Variants in CSMD1 observed in about 807,000 individuals in gnomAD.
CSMD1 encodes CUB and Sushi multiple domains 1, also known as CUB and sushi domain-containing protein 1.
In CSMD1, 213 loss-of-function variants were observed where a neutral mutation model predicts 417.5. The observed-to-expected ratio is 0.51, with a 90% CI of 0.46 to 0.57. The LOEUF (loss-of-function observed/expected upper bound fraction) is 0.57, where lower values mean the gene tolerates loss of function less well. Among genes scored for constraint, CSMD1 ranks in the 20% least tolerant of loss-of-function variants. CSMD1 has a pLI of 0.00. For synonymous variants in CSMD1, 2,862 were observed against 1,736.8 expected, an observed-to-expected ratio of 1.65 and a Z score of -16.11; for missense variants, 6,923 against 4,529.7, an observed-to-expected ratio of 1.53 and a Z score of -15.17.
intron 1 of CSMD1, among the ~76,000 whole-genome samples, chr8:4,710,806 C>T (rs1808244419): frequency 6.6e-6 from 1 of 151,792 alleles, no homozygotes; most frequent in Admixed American, 6.6e-5. Flanking sequence ...GATCGCACCA[C>T]TGCGCTCTAG....
chr8:3,431,440 A>T (rs554907728), intron 12 of CSMD1, among the ~76,000 whole-genome samples: 1 of 152,180 alleles, frequency 6.6e-6, no homozygotes, highest in African/African-American at 2.4e-5. Context: ...GGAAGTCAGC[A>T]TGTCACTTTC....
chr8:3,481,231 T>C (rs557380382), intron 11 of CSMD1, among the ~76,000 whole-genome samples: 176 of 150,980 alleles, frequency 1.2e-3, no homozygotes, highest in African/African-American at 3.4e-3. Flanking sequence ...AACATTCTTC[T>C]TGAAAAGAAA....
In CSMD1 at chr8:4,913,769, G is replaced by C. The variant is rs367613389; in HGVS notation, c.85+80563C>G. ...AGTTGTCCATGTGTTACCAGAATTA[G>C]GGAGTCACTGCCAAATTGCACGCCA... On this transcript the variant is annotated intron_variant, in intron 1 of 69. Coordinates refer to ENST00000635120, the MANE Select transcript of CSMD1 (RefSeq NM_033225.6). Among the ~76,000 whole-genome samples the C allele has an allele frequency of 1.5e-4, 23 of 152,256 alleles. No homozygotes were observed. The East Asian group carries it at 2.3e-3, about 15-fold the overall frequency.
chr8:3,051,295 A>G (rs138328355), intron 50 of CSMD1, among the ~76,000 whole-genome samples: 67 of 152,344 alleles, frequency 4.4e-4, no homozygotes, highest in African/African-American at 1.5e-3. Flanking sequence ...TGTCCTTTAC[A>G]ACATGGATGG....
At chr8:4,268,108 C>A (rs1009677264) in intron 3 of CSMD1, among the ~76,000 whole-genome samples, 25 of 152,176 alleles carry the variant, frequency 1.6e-4, no homozygotes, top group African/African-American at 5.8e-4. Context: ...AAAACCTAAT[C>A]CAAGAATATT....
At chr8:4,390,497 T>TTTTTTTATTTATTTATTTATTTA (rs58291340) in intron 3 of CSMD1, among the ~76,000 whole-genome samples, 25,409 of 140,084 alleles carry the variant, frequency 0.18, 2,674 homozygotes, top group Non-Finnish European at 0.21. Context: ...AAGCGTCCAT[T>TTTTTTTATTTATTTATTTATTTA]TTTATTTATT....
Position 3,742,156 on chromosome 8 carries a change from T to C in CSMD1, c.931+11774A>G, listed in dbSNP as rs1796839188. On this transcript the variant is annotated intron_variant, in intron 6 of 69. Coordinates refer to ENST00000635120, the MANE Select transcript of CSMD1 (RefSeq NM_033225.6). ...TATCCACCTAGTCACTTCTATCGCC[T>C]TTCTGTAAAGTGAGTCTTCTATAGC... 2.6e-5 allele frequency among the ~76,000 whole-genome samples: 4 copies of C among 152,286 alleles called. No homozygotes were observed. In the South Asian group the frequency reaches 6.2e-4, roughly 24 times the overall value.
chr8:4,590,140 C>G (rs17070697), intron 2 of CSMD1, among the ~76,000 whole-genome samples: 3 of 151,840 alleles, frequency 2.0e-5, no homozygotes, highest in Admixed American at 6.6e-5. Flanking sequence ...TTTGGTAAAG[C>G]AAGTGAATTT....
chr8:4,195,506 T>C (rs1265653505), intron 3 of CSMD1, among the ~76,000 whole-genome samples: 3 of 152,216 alleles, frequency 2.0e-5, no homozygotes, highest in Admixed American at 6.5e-5. Context: ...TTCACATCTC[T>C]GTATGATCCC....
chr8:3,497,401 CATTTATTT>C (rs56294605), intron 10 of CSMD1, among the ~76,000 whole-genome samples: 26,396 of 151,498 alleles, frequency 0.17, 2,387 homozygotes, highest in East Asian at 0.33. Context: ...TTTCACTTTC[CATTTATTT>C]ATTTATTTAT....
At chr8:3,460,703 T>C (rs765997533) in intron 12 of CSMD1, among the ~76,000 whole-genome samples, 44 of 152,168 alleles carry the variant, frequency 2.9e-4, no homozygotes, top group Admixed American at 1.4e-3. Context: ...AAACCACCAA[T>C]GTCGCTAAGA....
Position 3,824,336 on chromosome 8 carries a change from G to C in CSMD1, c.819-70294C>G, listed in dbSNP as rs57522517. Among the ~76,000 whole-genome samples the C allele has an allele frequency of 9.2e-3, 1,398 of 152,190 alleles. 33 individuals carry two copies. Among genetic ancestry groups the C allele is most frequent in the African/African-American group, 0.031 (1,272 of 41,508 alleles). On this transcript the variant is annotated intron_variant, in intron 5 of 69. Coordinates refer to ENST00000635120, the MANE Select transcript of CSMD1 (RefSeq NM_033225.6). ...GCCTAGGAATACTGAGAGGTTGCCAGATACTATGTGCAAAGTTTGTCAAAT... is the reference window on the plus strand; with the variant it reads ...GCCTAGGAATACTGAGAGGTTGCCACATACTATGTGCAAAGTTTGTCAAAT...
At chr8:3,797,710 A>G (rs1466568632) in intron 5 of CSMD1, among the ~76,000 whole-genome samples, 2 of 152,010 alleles carry the variant, frequency 1.3e-5, no homozygotes, top group African/African-American at 4.8e-5. Context: ...TAATACAAAC[A>G]AAGCTGCTAT....
intron 3 of CSMD1, among the ~76,000 whole-genome samples, chr8:4,172,633 T>A (rs1341466157): frequency 1.3e-5 from 2 of 152,192 alleles, no homozygotes; most frequent in African/African-American, 4.8e-5. Context: ...CTGGTATTTA[T>A]GAACTCCTGC....
intron 18 of CSMD1, among the ~76,000 whole-genome samples, chr8:3,378,689 A>T (rs1397080089): frequency 6.6e-6 from 1 of 152,158 alleles, no homozygotes; most frequent in Non-Finnish European, 1.5e-5. Context: ...CCTTCAATAA[A>T]CTTCAACACC....
intron 2 of CSMD1, among the ~76,000 whole-genome samples, chr8:4,488,739 TGG>T (rs1801544688): frequency 6.6e-6 from 1 of 151,914 alleles, no homozygotes; most frequent in Non-Finnish European, 1.5e-5. Context: ...CAGCACCAAA[TGG>T]GCCCTCAGAA....
chr8:3,020,563 G>A (rs1809280490), intron 51 of CSMD1, among the ~76,000 whole-genome samples: 1 of 152,068 alleles, frequency 6.6e-6, no homozygotes, highest in African/African-American at 2.4e-5. Flanking sequence ...TGTAGAGATG[G>A]GGGTCTCATT....
chr8:3,060,439 T>TTCGTC (rs1461517850), intron 49 of CSMD1, among the ~76,000 whole-genome samples: 1 of 152,186 alleles, frequency 6.6e-6, no homozygotes, highest in Non-Finnish European at 1.5e-5. Context: ...TCCACCCACC[T>TTCGTC]TCGTCTCACA....
chr8:3,162,361 G>A, intron 37 of CSMD1, 84 bp from the exon 38 acceptor site: 1 of 860,778 alleles, frequency 1.2e-6, no homozygotes, highest in Non-Finnish European at 1.9e-6. Context: ...TATTTCTATT[G>A]CTCTCCTTCT....
Sources: allele counts gnomAD v4.1 joint callset (sites outside exome capture counted in the v4.1 genomes callset), GRCh38; gene constraint gnomAD v4.1.1; transcripts MANE v1.5; gene names NCBI Gene and HGNC (gene_info 2026-07-23, HGNC 2026-07-21).